The following SPG7 variants were observed in gnomAD, a reference collection of about 807,000 sequenced individuals.
SPG7 encodes the protein mitochondrial inner membrane m-AAA protease component paraplegin.
SPG7 carries 103 observed loss-of-function variants against 81.9 expected under a neutral mutation model. The observed-to-expected ratio is 1.26, with a 90% CI of 1.07 to 1.48. The LOEUF is 1.48. Among genes scored for constraint, SPG7 ranks in the 40% most tolerant of loss-of-function variants. The pLI, the probability that SPG7 is intolerant of heterozygous loss-of-function variation, is 0.00. For missense variants in SPG7, 1,241 were observed against 1,087.3 expected (o/e 1.14, Z -1.99); for synonymous variants, 534 against 444.2 (o/e 1.20, Z -2.54).
chr16:89,544,850 A>G (rs2058543121), intron 10 of SPG7, 78 bp downstream of exon 10: 10 of 1,554,016 alleles, frequency 6.4e-6, no homozygotes, highest in Admixed American at 1.7e-5. Context: ...CCTCTCCTCT[A>G]AGACACTTCT....
chr16:89,547,966 A>G, intron 11 of SPG7, 37 bp from the exon 12 acceptor site: 1 of 1,517,926 alleles, frequency 6.6e-7, no homozygotes, highest in Non-Finnish European at 9.1e-7. Flanking sequence ...GATAGCAGAA[A>G]CCCACCCACC....
At chr16:89,544,041 C>T (rs2058533102) in intron 9 of SPG7, 1 of 171,846 alleles carries the variant, frequency 5.8e-6, no homozygotes, top group South Asian at 1.3e-4. Flanking sequence ...CATCATAACA[C>T]CTGAACGTTC....
intron 2 of SPG7, among the ~76,000 whole-genome samples, chr16:89,511,137 C>G (rs1004888625): frequency 1.3e-5 from 2 of 152,160 alleles, no homozygotes; most frequent in Non-Finnish European, 2.9e-5. Context: ...CGCATCTGGC[C>G]AAGTTGTCCT....
At chr16:89,549,225 A>G in intron 12 of SPG7, 1 of 456,920 alleles carries the variant, frequency 2.2e-6, no homozygotes, top group South Asian at 1.5e-5. Flanking sequence ...AGCCAGTTGA[A>G]AGAAAATACA....
intron 9 of SPG7, chr16:89,533,323 A>G (rs1393995292): frequency 2.6e-5 from 4 of 151,888 alleles, no homozygotes; most frequent in African/African-American, 7.3e-5. Context: ...GCCTGTCACC[A>G]CGCCTGGCTA....
intron 9 of SPG7, among the ~76,000 whole-genome samples, chr16:89,542,785 G>A (rs1334140006): frequency 6.6e-6 from 1 of 152,064 alleles, no homozygotes; most frequent in Non-Finnish European, 1.5e-5. Flanking sequence ...TGCCCAGGCT[G>A]GAGTATAGGG....
intron 11 of SPG7, 90 bp from the exon 12 acceptor site, chr16:89,547,913 A>G (rs2058584462): frequency 1.0e-6 from 1 of 972,248 alleles, no homozygotes; most frequent in Non-Finnish European, 1.7e-6. Context: ...ATGCCCGGCC[A>G]TCTTTGTTCT....
At chr16:89,550,075 G>T in intron 12 of SPG7, 1 of 291,036 alleles carries the variant, frequency 3.4e-6, no homozygotes, top group Non-Finnish European at 6.8e-6. Flanking sequence ...GCAGCTCCAA[G>T]AGGCAGATGT....
At position 89,550,474 on chromosome 16, in the gene SPG7, A is replaced by G; in HGVS notation, c.1664-20A>G. Reference sequence around the variant, plus strand: ...AGGCGTGAGCCACCGCGCCCAACTCATACCCCGGCATTCTTTCAGGGACTG... The same window carrying G: ...AGGCGTGAGCCACCGCGCCCAACTCGTACCCCGGCATTCTTTCAGGGACTG... On this transcript the variant is annotated intron_variant, in intron 12 of 16. Coordinates refer to ENST00000645818, the MANE Select transcript of SPG7 (RefSeq NM_003119.4). 3 of 1,584,378 alleles carry G rather than the reference A, an allele frequency of 1.9e-6. No individual in the cohort carries two copies. The South Asian group carries it at 3.3e-5, about 18-fold the overall frequency.
At chr16:89,536,486 T>TGGGCGAGGC (rs1567918805) in intron 9 of SPG7, among the ~76,000 whole-genome samples, 1 of 46,046 alleles carries the variant, frequency 2.2e-5, no homozygotes, top group Non-Finnish European at 4.6e-5. Context: ...GCGGGTGAGG[T>TGGGCGAGGC]CAGGTGAGGC....
intron 9 of SPG7, chr16:89,540,693 C>T (rs777264682): frequency 4.1e-5 from 7 of 168,916 alleles, no homozygotes; most frequent in Non-Finnish European, 8.4e-5. Flanking sequence ...GTGGTGCAGC[C>T]TCACTGGGAA....
intron 16 of SPG7, chr16:89,556,041 C>A: frequency 2.5e-6 from 1 of 398,822 alleles, no homozygotes; most frequent in Non-Finnish European, 4.4e-6. Flanking sequence ...CTCTGCAGAG[C>A]TCGGGCACAT....
chr16:89,551,032 C>A (rs181792257), intron 13 of SPG7: 42 of 275,460 alleles, frequency 1.5e-4, no homozygotes, highest in African/African-American at 8.3e-4. Flanking sequence ...AGTTCAAGAC[C>A]AGCCTGGCCA....
At chr16:89,529,836 G>A (rs1460839041) in intron 6 of SPG7, 5 of 532,430 alleles carry the variant, frequency 9.4e-6, no homozygotes, top group East Asian at 6.6e-5. Flanking sequence ...TTGAATCTGC[G>A]TTTTTCTTTT....
rs1195056913 is a variant in SPG7, at chr16:89,540,874, G to A, written c.1325-3774G>A. On this transcript the variant is annotated intron_variant, in intron 9 of 16. Coordinates refer to ENST00000645818, the MANE Select transcript of SPG7 (RefSeq NM_003119.4). Reference sequence around the variant, plus strand: ...CGCCGACGCTCATTTACCTGTAATAGCTAAAAACTGGAAGTGACCCAGGTG... The same window carrying A: ...CGCCGACGCTCATTTACCTGTAATAACTAAAAACTGGAAGTGACCCAGGTG... 8 of 981,894 alleles carry A rather than the reference G, an allele frequency of 8.1e-6. No individual in the cohort carries two copies. In the South Asian group the frequency reaches 2.4e-4, roughly 29 times the overall value. 60.8% of individuals were successfully genotyped at this position (981,894 alleles called of 1,614,324 possible).
At chr16:89,551,851 A>G (rs2058637020) in intron 13 of SPG7, 1 of 152,334 alleles carries the variant, frequency 6.6e-6, no homozygotes, top group African/African-American at 2.4e-5. Context: ...AGACTGTGCC[A>G]CTGTACTCCA....
rs576769304 is a variant in SPG7, at chr16:89,527,952, C to T, written c.758+1484C>T. Among the ~76,000 whole-genome samples the T allele has an allele frequency of 2.0e-5, 3 of 152,028 alleles. No homozygotes were observed. In the South Asian group the frequency reaches 6.2e-4, roughly 32 times the overall value. On this transcript the variant is annotated intron_variant, in intron 5 of 16. Transcript: ENST00000645818. ...TCTACAGAAAAAAAAAAAAGATGCA[C>T]CTTTAATTCTATAACCCAGCAACAC...
chr16:89,532,473 T>TGCCCGTGTGCGGAGCC lies in SPG7; in HGVS notation c.1162_1177dup (p.Leu393ArgfsTer8), dbSNP rs2152403759. On this transcript the variant is annotated frameshift_variant, in exon 9 of 17. Transcript: ENST00000645818. LOFTEE classifies it high-confidence loss of function. ...TCTGTGTCCCCTCAGGCCTCGGCGC[T>TGCCCGTGTGCGGAGCC]GCCCGTGTGCGGAGCCTCTTTAAGG... The TGCCCGTGTGCGGAGCC allele has an allele frequency of 6.2e-7, 1 of 1,613,458 alleles. No individual in the cohort carries two copies. Among genetic ancestry groups the TGCCCGTGTGCGGAGCC allele is most frequent in the Non-Finnish European group, 8.5e-7 (1 of 1,180,022 alleles).
intron 9 of SPG7, chr16:89,543,366 A>AGTCG (rs2058523780): frequency 1.8e-5 from 1 of 54,388 alleles, no homozygotes. Flanking sequence ...TTTTTTTTTG[A>AGTCG]GAGTCTTGCT....
Sources: allele counts gnomAD v4.1 joint callset (sites outside exome capture counted in the v4.1 genomes callset), GRCh38; gene constraint gnomAD v4.1.1; transcripts MANE v1.5; gene names NCBI Gene and HGNC (gene_info 2026-07-23, HGNC 2026-07-21).